P4HA1: variants seen among roughly 807,000 people sequenced by gnomAD.
P4HA1 encodes prolyl 4-hydroxylase subunit alpha-1.
In P4HA1, 24 loss-of-function variants were observed where a neutral mutation model predicts 72.8. That is an observed-to-expected ratio of 0.33 (90% CI 0.24 to 0.46). The LOEUF (loss-of-function observed/expected upper bound fraction) is 0.46. Among genes scored for constraint, P4HA1 ranks in the 20% least tolerant of loss-of-function variants. The probability of loss-of-function intolerance (pLI) is 1.00; values close to 1 mark genes in which losing one functional copy is unlikely to be tolerated. For synonymous variants in P4HA1, 201 were observed against 218.8 expected, an observed-to-expected ratio of 0.92 and a Z score of 0.72; for missense variants, 446 against 640.6, an observed-to-expected ratio of 0.70 and a Z score of 3.28.
At chr10:73,055,110 G>A (rs1417202786) in intron 5 of P4HA1, among the ~76,000 whole-genome samples, 1 of 152,134 alleles carries the variant, frequency 6.6e-6, no homozygotes, top group Non-Finnish European at 1.5e-5. Flanking sequence ...GTGCATACCT[G>A]TAGTCCTGGC....
At chr10:73,015,965 T>C (rs1470111047) in intron 11 of P4HA1, among the ~76,000 whole-genome samples, 1 of 152,178 alleles carries the variant, frequency 6.6e-6, no homozygotes, top group African/African-American at 2.4e-5. Context: ...GAATTTTTAA[T>C]GTTAAAATAA....
chr10:73,051,677 T>C (rs1386778450), intron 6 of P4HA1, among the ~76,000 whole-genome samples: 1 of 152,132 alleles, frequency 6.6e-6, no homozygotes, highest in Non-Finnish European at 1.5e-5. Flanking sequence ...GAGAATCACT[T>C]GAACCCGGGA....
chr10:73,095,561 A>G (rs1417590310), intron 1 of P4HA1, among the ~76,000 whole-genome samples: 2 of 151,410 alleles, frequency 1.3e-5, no homozygotes, highest in East Asian at 1.9e-4. Flanking sequence ...TTGATGAAAG[A>G]ACGCTGCTGC....
intron 10 of P4HA1, among the ~76,000 whole-genome samples, chr10:73,022,333 T>C (rs1000897713): frequency 3.3e-5 from 5 of 152,210 alleles, no homozygotes; most frequent in African/African-American, 1.2e-4. Flanking sequence ...CTGCATCCTC[T>C]GCTGGTGATA....
At chr10:73,020,089 A>C (rs531959131) in intron 10 of P4HA1, among the ~76,000 whole-genome samples, 52 of 152,278 alleles carry the variant, frequency 3.4e-4, no homozygotes, top group African/African-American at 1.2e-3. Context: ...GTCCCCTCTG[A>C]AGCACATTTC....
intron 10 of P4HA1, among the ~76,000 whole-genome samples, chr10:73,021,941 G>T (rs550031758): frequency 7.2e-5 from 11 of 152,292 alleles, no homozygotes; most frequent in African/African-American, 2.6e-4. Flanking sequence ...CTGGAGGAGG[G>T]GTGTCCACCA....
chr10:73,081,151 C>T (rs954862383), intron 1 of P4HA1, among the ~76,000 whole-genome samples: 4 of 152,028 alleles, frequency 2.6e-5, no homozygotes, highest in Non-Finnish European at 5.9e-5. Flanking sequence ...AAAATGGATG[C>T]AATCTCCTTT....
chr10:73,011,622 T>C (rs1273034953), intron 12 of P4HA1, among the ~76,000 whole-genome samples: 1 of 152,066 alleles, frequency 6.6e-6, no homozygotes, highest in African/African-American at 2.4e-5. Flanking sequence ...AGAATAAAAA[T>C]GGAAACCTTT....
intron 6 of P4HA1, 107 bp downstream of exon 6, chr10:73,053,244 T>G: frequency 3.6e-6 from 4 of 1,111,370 alleles, no homozygotes; most frequent in Non-Finnish European, 5.2e-6. Context: ...GCTCCTGACT[T>G]CTAAAAAGTA....
chr10:73,092,366 T>A (rs112664302), intron 1 of P4HA1, among the ~76,000 whole-genome samples: 13,098 of 141,470 alleles, frequency 0.093, 813 homozygotes, highest in East Asian at 0.28. Flanking sequence ...TTTTTTTTTT[T>A]AGAGACAGGG....
At chr10:73,051,013 A>G (rs202244871) in intron 7 of P4HA1, 40 bp downstream of exon 7, 1 of 1,391,492 alleles carries the variant, frequency 7.2e-7, no homozygotes, top group African/African-American at 1.4e-5. Flanking sequence ...ACACATACAC[A>G]CACACATTCA....
intron 1 of P4HA1, among the ~76,000 whole-genome samples, chr10:73,076,661 C>T (rs1450189039): frequency 6.6e-6 from 1 of 152,166 alleles, no homozygotes; most frequent in Non-Finnish European, 1.5e-5. Context: ...ACCTCACTTT[C>T]CCAGATGCCC....
chr10:73,040,716 C>T (rs1238193347), intron 9 of P4HA1, among the ~76,000 whole-genome samples: 1 of 152,094 alleles, frequency 6.6e-6, no homozygotes, highest in Non-Finnish European at 1.5e-5. Flanking sequence ...TTGTGATCCA[C>T]CCACCTTGGC....
intron 5 of P4HA1, among the ~76,000 whole-genome samples, chr10:73,063,777 C>G (rs1008428372): frequency 1.3e-5 from 2 of 152,152 alleles, no homozygotes; most frequent in African/African-American, 4.8e-5. Flanking sequence ...TTTAGCTATT[C>G]TGCTTTGGTA....
chr10:73,090,094 A>G (rs974110462), intron 1 of P4HA1, among the ~76,000 whole-genome samples: 1 of 152,016 alleles, frequency 6.6e-6, no homozygotes. Flanking sequence ...TCGGCCCCCC[A>G]GAGTGTTGGG....
intron 9 of P4HA1, among the ~76,000 whole-genome samples, chr10:73,032,915 A>G (rs954998632): frequency 5.9e-5 from 9 of 152,236 alleles, no homozygotes; most frequent in Non-Finnish European, 1.0e-4. Flanking sequence ...TTTATCCTAT[A>G]TTACTAAAAT....
chr10:73,067,127 C>G (rs1286903415), intron 5 of P4HA1, among the ~76,000 whole-genome samples: 1 of 152,136 alleles, frequency 6.6e-6, no homozygotes, highest in African/African-American at 2.4e-5. Flanking sequence ...CCTTAGCCTC[C>G]CAAAGTGCTG....
At chr10:73,066,179 C>T (rs1297498450) in intron 5 of P4HA1, among the ~76,000 whole-genome samples, 1 of 152,074 alleles carries the variant, frequency 6.6e-6, no homozygotes, top group Non-Finnish European at 1.5e-5. Flanking sequence ...AACTCTTATG[C>T]TAGTATTCAT....
chr10:73,058,784 T>C (rs1841224767), intron 5 of P4HA1, among the ~76,000 whole-genome samples: 2 of 150,390 alleles, frequency 1.3e-5, no homozygotes, highest in African/African-American at 4.9e-5. Context: ...CTTTTTTTTT[T>C]TTTTTTTTTT....
Sources: gnomAD v4.1 joint callset for allele counts (sites outside exome capture counted in the v4.1 genomes callset) on GRCh38, gnomAD v4.1.1 for gene constraint, MANE v1.5 for transcripts, NCBI Gene and HGNC (gene_info 2026-07-23, HGNC 2026-07-21) for gene names.